Variants in SOX5 observed in about 807,000 individuals in gnomAD.
SOX5 encodes the protein SRY-box transcription factor 5.
In SOX5, 9 loss-of-function variants were observed where a neutral mutation model predicts 92.0. The observed-to-expected ratio is 0.10, with a 90% CI of 0.06 to 0.17. The LOEUF (loss-of-function observed/expected upper bound fraction) is 0.17, where lower values mean the gene tolerates loss of function less well. SOX5 is among the 10% of genes least tolerant of loss of function. The probability of loss-of-function intolerance (pLI) is 1.00; values close to 1 mark genes in which losing one functional copy is unlikely to be tolerated. For synonymous variants in SOX5, 344 were observed against 336.3 expected (o/e 1.02, Z -0.25); for missense variants, 642 against 944.5 (o/e 0.68, Z 4.20).
intron 4 of SOX5, among the ~76,000 whole-genome samples, chr12:24,075,654 T>C (rs1002658529): frequency 2.9e-4 from 44 of 152,154 alleles, no homozygotes; most frequent in African/African-American, 1.0e-3. Flanking sequence ...AACCATTTTT[T>C]TTTTAAAAAA....
chr12:24,170,023 G>A (rs1284374619), intron 4 of SOX5, among the ~76,000 whole-genome samples: 1 of 145,858 alleles, frequency 6.9e-6, no homozygotes, highest in Middle Eastern at 3.4e-3. Context: ...TAAGGATAAT[G>A]AATTTTTTTT....
chr12:23,550,776 A>C (rs1944045879), intron 11 of SOX5, among the ~76,000 whole-genome samples: 1 of 151,888 alleles, frequency 6.6e-6, no homozygotes, highest in Non-Finnish European at 1.5e-5. Flanking sequence ...CATTATTTTG[A>C]CTTAAAAAAA....
At chr12:23,927,219 C>T (rs138877386) in intron 1 of SOX5, among the ~76,000 whole-genome samples, 51 of 152,168 alleles carry the variant, frequency 3.4e-4, no homozygotes, top group Admixed American at 9.8e-4. Context: ...AAATAAACTA[C>T]GTAACCATTC....
chr12:24,089,959 A>G (rs534986587), intron 4 of SOX5, among the ~76,000 whole-genome samples: 2 of 152,308 alleles, frequency 1.3e-5, no homozygotes, highest in South Asian at 2.1e-4. Context: ...GGAAAGCAGC[A>G]TGTAGGTATT....
At chr12:23,812,649 T>C (rs1479365107) in intron 3 of SOX5, among the ~76,000 whole-genome samples, 1 of 152,152 alleles carries the variant, frequency 6.6e-6, no homozygotes, top group Non-Finnish European at 1.5e-5. Context: ...GTTTCTTTCT[T>C]TGATATCCAA....
intron 4 of SOX5, among the ~76,000 whole-genome samples, chr12:24,178,186 C>G (rs925317173): frequency 6.6e-6 from 1 of 150,812 alleles, no homozygotes; most frequent in African/African-American, 2.4e-5. Flanking sequence ...GAGATCCCAT[C>G]GGCCAACTTT....
At chr12:24,535,150 T>C (rs1189408082) in intron 1 of SOX5, among the ~76,000 whole-genome samples, 1 of 152,166 alleles carries the variant, frequency 6.6e-6, no homozygotes, top group African/African-American at 2.4e-5. Context: ...TACCATCCCA[T>C]ATTTGGGCTA....
intron 1 of SOX5, among the ~76,000 whole-genome samples, chr12:23,942,253 A>G (rs536492439): frequency 1.3e-5 from 2 of 151,944 alleles, no homozygotes; most frequent in South Asian, 4.1e-4. Context: ...CTTTTATTAG[A>G]TAAATATAAA....
chr12:23,726,462 T>G (rs2093140618), intron 6 of SOX5, among the ~76,000 whole-genome samples: 1 of 152,178 alleles, frequency 6.6e-6, no homozygotes, highest in South Asian at 2.1e-4. Flanking sequence ...GCTATAGCAT[T>G]TATTTTACCA....
At chr12:23,594,485 T>C (rs1319112779) in intron 9 of SOX5, among the ~76,000 whole-genome samples, 1 of 152,110 alleles carries the variant, frequency 6.6e-6, no homozygotes, top group African/African-American at 2.4e-5. Flanking sequence ...TTCCAGTATG[T>C]TTCTAAGGGA....
At chr12:24,056,856 T>C (rs1410634504) in intron 4 of SOX5, among the ~76,000 whole-genome samples, 1 of 147,184 alleles carries the variant, frequency 6.8e-6, no homozygotes. Context: ...GCGCCTGTAG[T>C]CCCAGCTACT....
intron 1 of SOX5, among the ~76,000 whole-genome samples, chr12:24,424,721 T>G (rs1966446680): frequency 6.6e-6 from 1 of 151,814 alleles, no homozygotes; most frequent in Non-Finnish European, 1.5e-5. Flanking sequence ...ATTTTGATCT[T>G]AAGGCAACTC....
At chr12:23,931,367 G>T (rs1055486796) in intron 1 of SOX5, among the ~76,000 whole-genome samples, 2 of 151,734 alleles carry the variant, frequency 1.3e-5, no homozygotes, top group Non-Finnish European at 2.9e-5. Flanking sequence ...TAAGTAACTA[G>T]CTTCACATCA....
intron 4 of SOX5, among the ~76,000 whole-genome samples, chr12:23,968,500 C>T (rs1947848494): frequency 6.6e-6 from 1 of 152,132 alleles, no homozygotes; most frequent in Non-Finnish European, 1.5e-5. Context: ...GGTTTGTTAT[C>T]ACGGGAGTGG....
intron 4 of SOX5, among the ~76,000 whole-genome samples, chr12:23,995,664 T>C (rs941194703): frequency 1.3e-5 from 2 of 152,134 alleles, no homozygotes; most frequent in Non-Finnish European, 2.9e-5. Flanking sequence ...TGCCACTGCA[T>C]CCCAGCCTGG....
rs867950952 is a variant in SOX5, at chr12:24,396,790, G to A, written c.-250-28151C>T. 3.3e-5 allele frequency among the ~76,000 whole-genome samples: 5 copies of A among 152,228 alleles called. No individual in the cohort carries two copies. In the South Asian group the frequency reaches 6.2e-4, roughly 19 times the overall value. On this transcript the variant is annotated intron_variant, in intron 1 of 4. Coordinates refer to the SOX5 transcript ENST00000446891. The stretch of plus-strand genomic sequence containing the variant: ...CCAGGTACAGCTAGAAGATTGGTGA[G>A]CACCAAGATGCTTACAACAGAGTGT...
At position 23,755,564 on chromosome 12, in the gene SOX5, T is replaced by G. The variant is rs1376079384; in HGVS notation, c.568+74A>C. The stretch of plus-strand genomic sequence containing the variant: ...CAGAAGAGGTGAGGGCAGAAATACT[T>G]TATCACCATTACTATTTCTGAATAT... On this transcript the variant is annotated intron_variant, in intron 4 of 14. Coordinates refer to ENST00000451604, the MANE Select transcript of SOX5 (RefSeq NM_006940.6). 3.7e-6 allele frequency: 4 copies of G among 1,071,762 alleles called. No homozygotes were observed. The East Asian group carries it at 7.7e-5, about 21-fold the overall frequency. The allele number at this position is 1,071,762 out of a possible 1,614,324, so 66.4% of individuals were successfully genotyped here. A position where few individuals can be genotyped will look rare whatever the true frequency, so the allele number is the denominator to read the frequency against.
At chr12:23,956,431 T>C (rs1479609284) in intron 4 of SOX5, among the ~76,000 whole-genome samples, 4 of 152,060 alleles carry the variant, frequency 2.6e-5, no homozygotes, top group African/African-American at 9.7e-5. Flanking sequence ...TAGATTATCA[T>C]AGGAAGGCAA....
At chr12:24,014,509 C>T (rs996198282) in intron 4 of SOX5, among the ~76,000 whole-genome samples, 21 of 152,098 alleles carry the variant, frequency 1.4e-4, no homozygotes, top group Admixed American at 3.9e-4. Flanking sequence ...CATGTCTGAA[C>T]GAAATGGCCA....
Sources: allele counts gnomAD v4.1 joint callset (sites outside exome capture counted in the v4.1 genomes callset), GRCh38; gene constraint gnomAD v4.1.1; transcripts MANE v1.5; gene names NCBI Gene and HGNC (gene_info 2026-07-23, HGNC 2026-07-21).